Variants in DIAPH3 observed in about 807,000 individuals in gnomAD.
The protein encoded by DIAPH3 is protein diaphanous homolog 3.
A neutral mutation model predicts 144.3 loss-of-function variants in DIAPH3; 117 were observed. The ratio of observed to expected loss-of-function variants is 0.81; its 90% CI spans 0.70 to 0.95. The LOEUF (loss-of-function observed/expected upper bound fraction) is 0.95, where lower values mean the gene tolerates loss of function less well. Ranked by LOEUF, DIAPH3 falls within the 40% of genes least tolerant of loss-of-function variation. DIAPH3 has a pLI of 0.00. For missense variants in DIAPH3, 1,421 were observed against 1,412.7 expected (o/e 1.01, Z -0.09); for synonymous variants, 519 against 488.9 (o/e 1.06, Z -0.81).
intron 24 of DIAPH3, 105 bp from the exon 25 acceptor site, chr13:59,811,028 T>A: frequency 5.6e-6 from 6 of 1,081,066 alleles, no homozygotes; most frequent in Non-Finnish European, 8.0e-6. Context: ...TGATTATCTT[T>A]TAGATAATGG....
chr13:59,980,299 T>C (rs1048580925), intron 14 of DIAPH3, among the ~76,000 whole-genome samples: 1 of 151,632 alleles, frequency 6.6e-6, no homozygotes, highest in African/African-American at 2.4e-5. Flanking sequence ...AACTTTTCTC[T>C]TAAAATTTTT....
At chr13:59,847,146 T>C (rs184638730) in intron 22 of DIAPH3, among the ~76,000 whole-genome samples, 4 of 152,326 alleles carry the variant, frequency 2.6e-5, no homozygotes, top group East Asian at 3.9e-4. Flanking sequence ...TAGTTGTACC[T>C]TCCTTGACTT....
intron 25 of DIAPH3, among the ~76,000 whole-genome samples, chr13:59,804,325 C>A (rs964656763): frequency 2.6e-5 from 4 of 152,140 alleles, no homozygotes; most frequent in African/African-American, 9.7e-5. Flanking sequence ...ACAGTTACCA[C>A]AATCATTTTG....
At chr13:60,032,855 C>G (rs1420139326) in intron 5 of DIAPH3, among the ~76,000 whole-genome samples, 1 of 152,238 alleles carries the variant, frequency 6.6e-6, no homozygotes, top group South Asian at 2.1e-4. Context: ...GCCACATGGG[C>G]AGGCTGCAAA....
intron 22 of DIAPH3, among the ~76,000 whole-genome samples, chr13:59,850,046 T>C (rs1416565217): frequency 1.3e-4 from 19 of 143,836 alleles, no homozygotes; most frequent in Admixed American, 2.8e-4. Context: ...CCCTTGTAAG[T>C]TGGATTCCTA....
At chr13:59,964,998 TG>T (rs1456367816) in intron 17 of DIAPH3, among the ~76,000 whole-genome samples, 1 of 152,212 alleles carries the variant, frequency 6.6e-6, no homozygotes, top group African/African-American at 2.4e-5. Context: ...TTCACCTTAA[TG>T]TAGCCTTGTG....
At chr13:60,020,829 C>T (rs886251474) in intron 5 of DIAPH3, 2 of 152,226 alleles carry the variant, frequency 1.3e-5, no homozygotes, top group Non-Finnish European at 2.9e-5. Flanking sequence ...ATGCTATACT[C>T]ATGGTGCTCT....
At chr13:59,932,800 A>C (rs945708039) in intron 17 of DIAPH3, among the ~76,000 whole-genome samples, 2 of 152,242 alleles carry the variant, frequency 1.3e-5, no homozygotes, top group Admixed American at 6.5e-5. Flanking sequence ...AAAGGGATAC[A>C]AAGAAGCAGA....
intron 17 of DIAPH3, among the ~76,000 whole-genome samples, chr13:59,966,084 A>C (rs1286612437): frequency 6.6e-6 from 1 of 152,206 alleles, no homozygotes; most frequent in African/African-American, 2.4e-5. Flanking sequence ...CTTAACAGCA[A>C]AATAAAGTGT....
chr13:59,928,082 T>C (rs2140316719), intron 17 of DIAPH3, among the ~76,000 whole-genome samples: 1 of 152,208 alleles, frequency 6.6e-6, no homozygotes, highest in East Asian at 1.9e-4. Flanking sequence ...TTTTTCTCTA[T>C]TTTTCTTTTT....
chr13:59,669,276 T>C (rs934149424), intron 27 of DIAPH3, among the ~76,000 whole-genome samples: 1 of 152,210 alleles, frequency 6.6e-6, no homozygotes, highest in Non-Finnish European at 1.5e-5. Context: ...CTTAGATTCA[T>C]GACTATGAAC....
intron 3 of DIAPH3, among the ~76,000 whole-genome samples, chr13:60,105,442 A>C (rs1239891934): frequency 6.6e-6 from 1 of 152,210 alleles, no homozygotes; most frequent in African/African-American, 2.4e-5. Flanking sequence ...GGCAAAATCC[A>C]GTACACCTAA....
intron 27 of DIAPH3, among the ~76,000 whole-genome samples, chr13:59,675,254 G>C (rs1478167695): frequency 6.6e-6 from 1 of 152,088 alleles, no homozygotes; most frequent in Non-Finnish European, 1.5e-5. Context: ...TAAAAATCGA[G>C]ACGGGGTCTT....
chr13:59,891,421 T>TA (rs1196654375), intron 20 of DIAPH3, among the ~76,000 whole-genome samples: 3 of 148,632 alleles, frequency 2.0e-5, no homozygotes, highest in African/African-American at 5.0e-5. Flanking sequence ...CATGTTTCCA[T>TA]ACCAAAAAAA....
At chr13:59,762,400 C>T (rs1391033756) in intron 27 of DIAPH3, among the ~76,000 whole-genome samples, 1 of 152,022 alleles carries the variant, frequency 6.6e-6, no homozygotes, top group African/African-American at 2.4e-5. Flanking sequence ...TAGTGAGATA[C>T]ATTTCTGCCA....
intron 27 of DIAPH3, among the ~76,000 whole-genome samples, chr13:59,700,163 T>C (rs1566193839): frequency 6.6e-6 from 1 of 152,210 alleles, no homozygotes; most frequent in East Asian, 1.9e-4. Flanking sequence ...CCATTATTTC[T>C]ACCATGGGGA....
rs778588316 is a variant in DIAPH3 at position 59,992,084 on chromosome 13, T to C, written c.1228A>G (p.Ile410Val). The C allele has an allele frequency of 1.1e-5, 17 of 1,611,552 alleles. No homozygotes were observed. The highest frequency in any genetic ancestry group is 1.7e-5 in the Admixed American group (1 of 59,786). Residue 410 changes from isoleucine (I) to valine (V), a missense_variant, in exon 11 of 28, where the codon ATT (isoleucine) becomes GTT (valine). Physicochemically the swap from Ile to Val is conservative, Grantham distance 29. Coordinates refer to ENST00000400324, the MANE Select transcript of DIAPH3 (RefSeq NM_001042517.2). ...AAAGGATATTCAAGTTCAGCTCTAA[T>C]ATCTTCAAGGCGATGGGATAACTCA... ...LFELSHRLEDIRAELDEAYDV... is the reference protein window; with the variant it reads ...LFELSHRLEDVRAELDEAYDV...
chr13:59,809,420 C>T (rs937549253), intron 25 of DIAPH3, among the ~76,000 whole-genome samples: 11 of 150,996 alleles, frequency 7.3e-5, no homozygotes, highest in Admixed American at 1.3e-4. Flanking sequence ...GAGAATCCCT[C>T]GAACCCAGGA....
intron 2 of DIAPH3, among the ~76,000 whole-genome samples, chr13:60,125,440 T>C: frequency 7.0e-6 from 1 of 142,770 alleles, no homozygotes; most frequent in East Asian, 2.5e-4. Context: ...AGGGTCTCCC[T>C]ATCTTGCCCA....
Sources: gnomAD v4.1 joint callset for allele counts (sites outside exome capture counted in the v4.1 genomes callset) on GRCh38, gnomAD v4.1.1 for gene constraint, MANE v1.5 for transcripts, NCBI Gene and HGNC (gene_info 2026-07-23, HGNC 2026-07-21) for gene names.